The following SYNE2 variants were observed in gnomAD, a reference collection of about 807,000 sequenced individuals.
The protein encoded by SYNE2 is spectrin repeat containing nuclear envelope protein 2, also known as nesprin-2.
Under a neutral mutation model 856.3 loss-of-function variants are expected in SYNE2, and 431 were observed. The ratio of observed to expected loss-of-function variants is 0.50; its 90% CI spans 0.47 to 0.55. SYNE2 has a LOEUF of 0.55. SYNE2 is among the 20% of genes least tolerant of loss of function. SYNE2 has a pLI of 0.00. For synonymous variants in SYNE2, 2,923 were observed against 2,872.3 expected (o/e 1.02, Z -0.56); for missense variants, 8,129 against 8,023.2 (o/e 1.01, Z -0.50).
chr14:64,118,914 C>T (rs1595648301), intron 66 of SYNE2, among the ~76,000 whole-genome samples: 2 of 151,514 alleles, frequency 1.3e-5, no homozygotes, highest in Admixed American at 1.3e-4. Context: ...AGAATATCTG[C>T]ACTTTTTAAG....
intron 7 of SYNE2, among the ~76,000 whole-genome samples, chr14:63,954,277 A>G (rs2096211244): frequency 1.3e-5 from 2 of 152,190 alleles, no homozygotes; most frequent in African/African-American, 4.8e-5. Context: ...TCCTCTAGTT[A>G]GGAACCTTGA....
chr14:63,960,800 C>T, intron 8 of SYNE2: 1 of 761,932 alleles, frequency 1.3e-6, no homozygotes, highest in Admixed American at 1.7e-5. Context: ...GTGCCAGCTA[C>T]TTGTGAGGCT....
intron 45 of SYNE2, among the ~76,000 whole-genome samples, chr14:64,033,988 G>C (rs2097064238): frequency 6.6e-6 from 1 of 151,950 alleles, no homozygotes; most frequent in Non-Finnish European, 1.5e-5. Flanking sequence ...GTATTTTCTT[G>C]TATGTAATAT....
At chr14:63,830,516 C>T (rs1241612227) in intron 1 of SYNE2, among the ~76,000 whole-genome samples, 1 of 151,732 alleles carries the variant, frequency 6.6e-6, no homozygotes, top group Admixed American at 6.6e-5. Flanking sequence ...TAAAAATTAA[C>T]TGGGAGTGGT....
rs1351257415 is a variant in SYNE2 at position 64,052,568 on chromosome 14, A to G, written c.8655A>G (p.Gln2885=). ...VTLEASQKEL[Q]EIDSGISTHL... ...TGGAGGCATCTCAGAAGGAATTGCA[A>G]GAAATTGACAGTGGAATCTCAACAC... The change falls in exon 48 of 116, where the codon CAA becomes CAG. Residue 2885 remains glutamine (Q), a synonymous_variant. Transcript: ENST00000555002. 1.2e-6 allele frequency: 2 copies of G among 1,614,046 alleles called. No homozygotes were observed. Among genetic ancestry groups the G allele is most frequent in the Non-Finnish European group, 1.7e-6 (2 of 1,180,046 alleles).
chr14:64,221,890 G>A (rs2098695922), intron 112 of SYNE2, among the ~76,000 whole-genome samples, 186 bp downstream of exon 112: 1 of 152,080 alleles, frequency 6.6e-6, no homozygotes, highest in South Asian at 2.1e-4. Flanking sequence ...TAGTTCTGAA[G>A]CCAAATGACT....
intron 103 of SYNE2, 54 bp downstream of exon 103, chr14:64,210,178 C>T (rs920521873): frequency 8.2e-6 from 13 of 1,588,036 alleles, no homozygotes; most frequent in East Asian, 6.8e-5. Flanking sequence ...ACATAACGCA[C>T]GATACGCAAT....
intron 66 of SYNE2, among the ~76,000 whole-genome samples, chr14:64,118,810 G>A (rs941990040): frequency 4.1e-5 from 6 of 147,278 alleles, no homozygotes; most frequent in African/African-American, 1.0e-4. Context: ...GCAGTGAGCC[G>A]AGATCACACC....
intron 19 of SYNE2, among the ~76,000 whole-genome samples, chr14:63,988,169 C>T (rs2096639837): frequency 6.6e-6 from 1 of 152,164 alleles, no homozygotes; most frequent in Non-Finnish European, 1.5e-5. Flanking sequence ...CTCGACCTCC[C>T]CAGGTTCAAG....
intron 45 of SYNE2, among the ~76,000 whole-genome samples, chr14:64,040,338 G>A (rs1369533638): frequency 1.3e-5 from 2 of 151,808 alleles, no homozygotes; most frequent in African/African-American, 4.8e-5. Flanking sequence ...AAAATGATTA[G>A]TAATTAAAAA....
intron 48 of SYNE2, among the ~76,000 whole-genome samples, chr14:64,055,198 A>G (rs2097258890): frequency 1.3e-5 from 2 of 152,148 alleles, no homozygotes; most frequent in African/African-American, 4.8e-5. Context: ...TTTTCTTTTC[A>G]TTTGTTCACA....
At chr14:63,982,334 C>A (rs1271326632) in intron 16 of SYNE2, among the ~76,000 whole-genome samples, 1 of 152,050 alleles carries the variant, frequency 6.6e-6, no homozygotes, top group Non-Finnish European at 1.5e-5. Flanking sequence ...TGATGACAGA[C>A]AGCTGGCATT....
chr14:64,085,001 A>C, intron 57 of SYNE2: 1 of 702,330 alleles, frequency 1.4e-6, no homozygotes, highest in East Asian at 2.7e-5. Flanking sequence ...GCCTCACACC[A>C]TGGCAGCTGG....
At chr14:64,061,519 A>C (rs2097316894) in intron 49 of SYNE2, among the ~76,000 whole-genome samples, 1 of 152,170 alleles carries the variant, frequency 6.6e-6, no homozygotes, top group Non-Finnish European at 1.5e-5. Context: ...ATCCTTGCCA[A>C]CATTTGATAT....
intron 88 of SYNE2, among the ~76,000 whole-genome samples, 176 bp from the exon 89 acceptor site, chr14:64,163,226 T>G (rs754651487): frequency 1.1e-4 from 16 of 152,228 alleles, no homozygotes; most frequent in Non-Finnish European, 1.8e-4. Flanking sequence ...GCGCCAGTGA[T>G]ATACATCATT....
chr14:63,869,018 A>G (rs1011376491), intron 1 of SYNE2, among the ~76,000 whole-genome samples: 2 of 152,220 alleles, frequency 1.3e-5, no homozygotes, highest in Non-Finnish European at 2.9e-5. Context: ...AAGGACATTA[A>G]CCTTCAAGCA....
chr14:64,015,532 G>T (rs544969741), intron 32 of SYNE2, among the ~76,000 whole-genome samples: 1 of 152,098 alleles, frequency 6.6e-6, no homozygotes, highest in Non-Finnish European at 1.5e-5. Context: ...GTCTGTAGTG[G>T]TATCCCTATT....
chr14:64,087,396 T>C (rs1421828643), intron 57 of SYNE2: 1 of 603,160 alleles, frequency 1.7e-6, no homozygotes, highest in East Asian at 4.0e-5. Flanking sequence ...TAAAAGACAC[T>C]TCTCTCTCCC....
chr14:63,844,514 T>G (rs1890169740), intron 1 of SYNE2, among the ~76,000 whole-genome samples: 1 of 152,242 alleles, frequency 6.6e-6, no homozygotes, highest in Non-Finnish European at 1.5e-5. Flanking sequence ...TGTAAGTATT[T>G]AACTCATTTG....
Sources: gnomAD v4.1 joint callset for allele counts (sites outside exome capture counted in the v4.1 genomes callset) on GRCh38, gnomAD v4.1.1 for gene constraint, MANE v1.5 for transcripts, NCBI Gene and HGNC (gene_info 2026-07-23, HGNC 2026-07-21) for gene names.